Variants in NALCN observed in about 807,000 individuals in gnomAD.
The protein encoded by NALCN is sodium leak channel NALCN.
A neutral mutation model predicts 225.3 loss-of-function variants in NALCN; 111 were observed. That is an observed-to-expected ratio of 0.49 (90% confidence interval 0.42 to 0.58). NALCN has a LOEUF of 0.58. Among genes scored for constraint, NALCN ranks in the 20% least tolerant of loss-of-function variants. The pLI, the probability that NALCN is intolerant of heterozygous loss-of-function variation, is 0.00. For synonymous variants in NALCN, 764 were observed against 769.0 expected (o/e 0.99, Z 0.11); for missense variants, 1,378 against 2,202.4 (o/e 0.63, Z 7.49).
intron 1 of NALCN, among the ~76,000 whole-genome samples, chr13:101,409,847 T>C (rs529753783): frequency 6.6e-6 from 1 of 152,332 alleles, no homozygotes; most frequent in Admixed American, 6.5e-5. Context: ...CAAGGGAGGT[T>C]CAGAAACATT....
At chr13:101,384,307 C>CA (rs35426476) in intron 3 of NALCN, among the ~76,000 whole-genome samples, 1 of 151,962 alleles carries the variant, frequency 6.6e-6, no homozygotes. Flanking sequence ...GAGCTATGCG[C>CA]AAAAATCAGC....
chr13:101,190,913 A>G (rs1594400820), intron 14 of NALCN, among the ~76,000 whole-genome samples: 5 of 152,348 alleles, frequency 3.3e-5, no homozygotes, highest in African/African-American at 1.2e-4. Flanking sequence ...CTAAGGACCA[A>G]ATCTAGATCA....
At chr13:101,407,051 A>T (rs1191651319) in intron 1 of NALCN, among the ~76,000 whole-genome samples, 1 of 152,240 alleles carries the variant, frequency 6.6e-6, no homozygotes, top group Non-Finnish European at 1.5e-5. Flanking sequence ...ATTGTGCAAG[A>T]GCAATTAAAA....
intron 10 of NALCN, among the ~76,000 whole-genome samples, chr13:101,280,880 CTCTT>C (rs1430783718): frequency 8.3e-5 from 9 of 108,122 alleles, no homozygotes; most frequent in Non-Finnish European, 1.3e-4. Context: ...TTCTCTCTCT[CTCTT>C]TTTTTTTTTT....
At chr13:101,212,900 G>C (rs9582465) in intron 13 of NALCN, among the ~76,000 whole-genome samples, 41,083 of 151,516 alleles carry the variant, frequency 0.27, 6,591 homozygotes, top group Non-Finnish European at 0.37. Context: ...CAATGCCATC[G>C]CCATCAAGCT....
At chr13:101,114,529 T>C (rs991339677) in intron 18 of NALCN, among the ~76,000 whole-genome samples, 1 of 151,706 alleles carries the variant, frequency 6.6e-6, no homozygotes, top group African/African-American at 2.4e-5. Context: ...CTACGGAGAG[T>C]TCCACTTGGG....
Position 101,075,882 on chromosome 13 carries a change from A to G in NALCN, c.3945T>C (p.Cys1315=). 1 of 1,609,236 alleles carries G rather than the reference A, an allele frequency of 6.2e-7. No individual in the cohort carries two copies. Among genetic ancestry groups the G allele is most frequent in the South Asian group, 1.1e-5 (1 of 90,050 alleles). ...TTAACAATGTACTTACATGTTTTCC[A>G]CAGATGGAGAAAAACCTAAATACAA... ...CVIVFRFFSI[C]GKHVTLKMLL... The change falls in exon 35 of 44, where the codon TGT becomes TGC. Residue 1315 remains cysteine (C), a synonymous_variant. Transcript: ENST00000251127.
intron 33 of NALCN, among the ~76,000 whole-genome samples, 196 bp downstream of exon 33, chr13:101,082,613 T>C (rs1186377121): frequency 6.6e-6 from 1 of 152,172 alleles, no homozygotes; most frequent in African/African-American, 2.4e-5. Flanking sequence ...AGCATTTCTG[T>C]AGTTAGAAAA....
rs559501973 is a variant in NALCN, at chr13:101,384,072, A to G, written c.292-5419T>C. On this transcript the variant is annotated intron_variant, in intron 3 of 43. Coordinates refer to ENST00000251127, the MANE Select transcript of NALCN (RefSeq NM_052867.4). ...TATCGTCAGAAGCCCTAGCCATAGT[A>G]GTCAAAGTTGCTTTGATTCCATTTA... is the stretch of plus-strand genomic sequence containing the variant. Among the ~76,000 whole-genome samples the G allele has an allele frequency of 5.9e-4, 90 of 152,290 alleles. No individual in the cohort carries two copies. In the Middle Eastern group the frequency reaches 0.024, roughly 40 times the overall value.
intron 7 of NALCN, among the ~76,000 whole-genome samples, chr13:101,297,342 G>T (rs1251114668): frequency 6.6e-6 from 1 of 152,152 alleles, no homozygotes; most frequent in Non-Finnish European, 1.5e-5. Context: ...CGAGACAGTG[G>T]AATAAGAATG....
At chr13:101,150,148 C>T (rs563198630) in intron 15 of NALCN, among the ~76,000 whole-genome samples, 1,561 of 61,168 alleles carry the variant, frequency 0.026, 17 homozygotes, top group African/African-American at 0.084. Context: ...CAACAGAGTA[C>T]ATACTGTTGT....
intron 6 of NALCN, among the ~76,000 whole-genome samples, chr13:101,361,055 C>A (rs907172375): frequency 6.6e-6 from 1 of 152,110 alleles, no homozygotes; most frequent in Admixed American, 6.6e-5. Flanking sequence ...CTCAGCCTTG[C>A]CTAAAAATAC....
chr13:101,246,564 T>C (rs2041904521), intron 11 of NALCN, among the ~76,000 whole-genome samples: 1 of 152,184 alleles, frequency 6.6e-6, no homozygotes, highest in Non-Finnish European at 1.5e-5. Context: ...TTGAGATGGA[T>C]GGTTGAGAAG....
At chr13:101,317,927 G>A (rs2044610808) in intron 7 of NALCN, among the ~76,000 whole-genome samples, 1 of 152,014 alleles carries the variant, frequency 6.6e-6, no homozygotes, top group South Asian at 2.1e-4. Context: ...GTATTGAAAT[G>A]TCAGTTCTTC....
At chr13:101,240,742 GT>G (rs1295453846) in intron 11 of NALCN, among the ~76,000 whole-genome samples, 2 of 152,026 alleles carry the variant, frequency 1.3e-5, no homozygotes, top group African/African-American at 4.8e-5. Flanking sequence ...TTTTTATCAT[GT>G]TTAAAGACTT....
Position 101,143,122 on chromosome 13 carries a change from G to C in NALCN, c.2076C>G (p.Ser692=), listed in dbSNP as rs778871034. 7.4e-6 allele frequency: 12 copies of C among 1,614,060 alleles called. 1 individual carries two copies. The South Asian group carries it at 1.3e-4, about 18-fold the overall frequency. The change falls in exon 17 of 44, where the codon TCC becomes TCG. Residue 692 remains serine, a synonymous_variant. Coordinates refer to ENST00000251127, the MANE Select transcript of NALCN (RefSeq NM_052867.4). ...TGTTGTCCTCAATTGCTGAGCGTTT[G>C]GAGTGGTCGCAGGAGGAGGAAGAGG... The part of the protein sequence containing the change: ...PTTSSSSCDH[S]KRSAIEDNKY...
chr13:101,142,842 T>C (rs2037154701), intron 17 of NALCN: 1 of 487,386 alleles, frequency 2.1e-6, no homozygotes, highest in South Asian at 2.1e-5. Flanking sequence ...GCTCTTGATG[T>C]TTACAAAGTC....
intron 13 of NALCN, among the ~76,000 whole-genome samples, chr13:101,220,681 G>T (rs1053003501): frequency 6.6e-6 from 1 of 152,082 alleles, no homozygotes; most frequent in Non-Finnish European, 1.5e-5. Flanking sequence ...CAGGCAAAAT[G>T]GTGCAATTGA....
chr13:101,302,807 T>C (rs1310547885), intron 7 of NALCN, among the ~76,000 whole-genome samples: 1 of 152,144 alleles, frequency 6.6e-6, no homozygotes, highest in Non-Finnish European at 1.5e-5. Flanking sequence ...ACAGAATTTT[T>C]CCTGTATTTG....
Sources: gnomAD v4.1 joint callset for allele counts (sites outside exome capture counted in the v4.1 genomes callset) on GRCh38, gnomAD v4.1.1 for gene constraint, MANE v1.5 for transcripts, NCBI Gene and HGNC (gene_info 2026-07-23, HGNC 2026-07-21) for gene names.